The following TBC1D22A variants were observed in gnomAD, a reference collection of about 807,000 sequenced individuals.
TBC1D22A encodes the protein putative GTPase activator.
Under a neutral mutation model 60.2 loss-of-function variants are expected in TBC1D22A, and 38 were observed. The ratio of observed to expected loss-of-function variants is 0.63; its 90% confidence interval spans 0.49 to 0.83. The LOEUF (loss-of-function observed/expected upper bound fraction) is 0.83, where lower values mean the gene tolerates loss of function less well. TBC1D22A is among the 40% of genes least tolerant of loss of function. TBC1D22A has a pLI of 0.00. For synonymous variants in TBC1D22A, 302 were observed against 281.7 expected (o/e 1.07, Z -0.72); for missense variants, 628 against 701.0 (o/e 0.90, Z 1.18).
intron 8 of TBC1D22A, among the ~76,000 whole-genome samples, chr22:46,959,829 A>G (rs1398998122): frequency 6.6e-6 from 1 of 152,126 alleles, no homozygotes; most frequent in Non-Finnish European, 1.5e-5. Flanking sequence ...ACGTTTTCTA[A>G]TGACCTGCCA....
At chr22:47,045,794 C>A (rs1293507734) in intron 11 of TBC1D22A, among the ~76,000 whole-genome samples, 1 of 152,162 alleles carries the variant, frequency 6.6e-6, no homozygotes, top group Non-Finnish European at 1.5e-5. Flanking sequence ...CCAGTTACTG[C>A]TGTTCACCCA....
intron 8 of TBC1D22A, among the ~76,000 whole-genome samples, chr22:46,966,966 C>T (rs1038939552): frequency 1.3e-5 from 2 of 152,236 alleles, no homozygotes; most frequent in South Asian, 2.1e-4. Context: ...GGCAGTTGAT[C>T]GCTGGAGCTG....
intron 11 of TBC1D22A, among the ~76,000 whole-genome samples, chr22:47,048,256 C>T (rs1379843652): frequency 6.6e-6 from 1 of 152,108 alleles, no homozygotes; most frequent in African/African-American, 2.4e-5. Flanking sequence ...GTAAGGCTCC[C>T]CTCAGAGCAC....
At chr22:47,144,316 G>A (rs2067214058) in intron 12 of TBC1D22A, among the ~76,000 whole-genome samples, 1 of 152,156 alleles carries the variant, frequency 6.6e-6, no homozygotes, top group Non-Finnish European at 1.5e-5. Flanking sequence ...CTCTCTCCCA[G>A]AGGACGGCGT....
chr22:47,123,997 C>T (rs777202014), intron 12 of TBC1D22A, among the ~76,000 whole-genome samples: 1 of 152,110 alleles, frequency 6.6e-6, no homozygotes, highest in Non-Finnish European at 1.5e-5. Context: ...GATGCAACAC[C>T]GTGAAACAGG....
chr22:47,160,145 TCTC>T (rs1319613328), intron 12 of TBC1D22A, among the ~76,000 whole-genome samples: 11 of 152,200 alleles, frequency 7.2e-5, no homozygotes, highest in Non-Finnish European at 2.9e-5. Flanking sequence ...CGCCGCTCCT[TCTC>T]CTTCACACAG....
intron 8 of TBC1D22A, among the ~76,000 whole-genome samples, chr22:46,945,517 C>T (rs905763829): frequency 2.2e-4 from 34 of 152,210 alleles, no homozygotes; most frequent in African/African-American, 8.2e-4. Context: ...TACTGAGGGT[C>T]TGAGCCAGGA....
intron 11 of TBC1D22A, among the ~76,000 whole-genome samples, chr22:47,099,915 C>G (rs1399044584): frequency 6.6e-6 from 1 of 152,176 alleles, no homozygotes; most frequent in Non-Finnish European, 1.5e-5. Flanking sequence ...AGAGCCCTTC[C>G]AGCCCTGGTG....
At chr22:47,092,831 C>T (rs1419746468) in intron 11 of TBC1D22A, among the ~76,000 whole-genome samples, 1 of 152,184 alleles carries the variant, frequency 6.6e-6, no homozygotes, top group African/African-American at 2.4e-5. Context: ...GGTTCTCTTC[C>T]CTTTGAATTT....
At chr22:47,135,201 C>T (rs1005702680) in intron 12 of TBC1D22A, among the ~76,000 whole-genome samples, 1 of 152,228 alleles carries the variant, frequency 6.6e-6, no homozygotes, top group Non-Finnish European at 1.5e-5. Context: ...CTTCCCAGAA[C>T]CCCCTGGCAG....
At chr22:46,913,561 T>G in intron 8 of TBC1D22A, 1 of 1,198,812 alleles carries the variant, frequency 8.3e-7, no homozygotes, top group Non-Finnish European at 1.1e-6. Flanking sequence ...CCTAATCATC[T>G]CTTAAGTAGG....
At chr22:47,153,786 A>G (rs2067601286) in intron 12 of TBC1D22A, among the ~76,000 whole-genome samples, 1 of 152,172 alleles carries the variant, frequency 6.6e-6, no homozygotes, top group South Asian at 2.1e-4. Flanking sequence ...CGATGTCTGC[A>G]TTTGTTTATT....
chr22:46,816,286 G>T (rs1418869924), intron 4 of TBC1D22A, among the ~76,000 whole-genome samples: 1 of 152,210 alleles, frequency 6.6e-6, no homozygotes, highest in Non-Finnish European at 1.5e-5. Context: ...TATCACAGGG[G>T]CGGGATTGGG....
chr22:46,913,272 T>G, intron 8 of TBC1D22A: 1 of 1,263,446 alleles, frequency 7.9e-7, no homozygotes. Context: ...AAACCTGGTT[T>G]TGTCTTCCTG....
At chr22:47,159,080 A>G (rs2067841628) in intron 12 of TBC1D22A, among the ~76,000 whole-genome samples, 1 of 150,876 alleles carries the variant, frequency 6.6e-6, no homozygotes, top group Non-Finnish European at 1.5e-5. Flanking sequence ...CACACAACAC[A>G]CACCATGTAT....
At chr22:46,818,797 T>C (rs2085706960) in intron 4 of TBC1D22A, among the ~76,000 whole-genome samples, 2 of 152,236 alleles carry the variant, frequency 1.3e-5, no homozygotes, top group South Asian at 4.1e-4. Context: ...TTGATGGGAA[T>C]AGCATTGAAT....
intron 12 of TBC1D22A, among the ~76,000 whole-genome samples, chr22:47,153,354 A>G (rs2067579818): frequency 6.6e-6 from 1 of 151,654 alleles, no homozygotes; most frequent in Non-Finnish European, 1.5e-5. Flanking sequence ...CATGAAGAAA[A>G]TTAAAGTTCT....
chr22:47,173,637 AC>A lies in TBC1D22A; in HGVS notation c.*14del, dbSNP rs2068578208. On this transcript the variant is annotated 3_prime_UTR_variant, in exon 13 of 13. Transcript: ENST00000337137. Reference sequence around the variant, plus strand: ...CACTACAAGAAATGAGCCCAGGCCCACCCGCAGCTGGCCTCACTGTCCCGGG... The same window carrying A: ...CACTACAAGAAATGAGCCCAGGCCCACCGCAGCTGGCCTCACTGTCCCGGG... The A allele has an allele frequency of 6.2e-7, 1 of 1,613,184 alleles. No individual in the cohort carries two copies. The highest frequency in any genetic ancestry group is 1.7e-5 in the Admixed American group (1 of 59,988).
intron 4 of TBC1D22A, among the ~76,000 whole-genome samples, chr22:46,850,639 A>G (rs983793822): frequency 2.0e-4 from 31 of 152,250 alleles, no homozygotes; most frequent in African/African-American, 7.0e-4. Flanking sequence ...ACAGTTCAAC[A>G]TAGAGCTGCC....
Sources: gnomAD v4.1 joint callset for allele counts (sites outside exome capture counted in the v4.1 genomes callset) on GRCh38, gnomAD v4.1.1 for gene constraint, MANE v1.5 for transcripts, NCBI Gene and HGNC (gene_info 2026-07-23, HGNC 2026-07-21) for gene names.